Variants in CEP85L observed in about 807,000 individuals in gnomAD.
The protein encoded by CEP85L is centrosomal protein 85L.
A neutral mutation model predicts 100.3 loss-of-function variants in CEP85L; 60 were observed. That is an observed-to-expected ratio of 0.60 (90% CI 0.49 to 0.74). The LOEUF (loss-of-function observed/expected upper bound fraction) is 0.74, where lower values mean the gene tolerates loss of function less well. CEP85L is among the 30% of genes least tolerant of loss of function. The pLI is 0.00. For synonymous variants in CEP85L, 319 were observed against 322.7 expected (o/e 0.99, Z 0.12); for missense variants, 973 against 936.2 (o/e 1.04, Z -0.51).
rs1554228039 is a variant in CEP85L, at chr6:118,600,300, G to GTGTGTGTGT, written c.232+32152_232+32153insACACACACA. On this transcript the variant is annotated intron_variant, in intron 2 of 12. Coordinates refer to ENST00000368491, the MANE Select transcript of CEP85L (RefSeq NM_001042475.3). ...CTGCCTGTCCCTGAGCCTTCCTGGG[G>GTGTGTGTGT]GTGTGTGTGTGTGTGTGTGTGTGTG... 5.8e-3 allele frequency among the ~76,000 whole-genome samples: 302 copies of GTGTGTGTGT among 52,232 alleles called. 58 individuals are homozygous for GTGTGTGTGT. Among genetic ancestry groups the GTGTGTGTGT allele is most frequent in the Middle Eastern group, 0.021 (2 of 96 alleles). 34.3% of individuals were successfully genotyped at this position (52,232 alleles called of 152,430 possible). A position where few individuals can be genotyped will look rare whatever the true frequency, so the allele number is the denominator to read the frequency against.
At chr6:118,670,118 G>GA (rs1164836193) in intron 1 of CEP85L, among the ~76,000 whole-genome samples, 3 of 151,892 alleles carry the variant, frequency 2.0e-5, no homozygotes, top group African/African-American at 7.3e-5. Flanking sequence ...CCTTCTATCA[G>GA]AACGGGCAGA....
intron 6 of CEP85L, among the ~76,000 whole-genome samples, chr6:118,489,915 T>C (rs1423398260): frequency 6.6e-6 from 1 of 151,802 alleles, no homozygotes; most frequent in Non-Finnish European, 1.5e-5. Context: ...ATGAGCAACA[T>C]AAATGTTATA....
chr6:118,694,471 A>G (rs946387838), intron 1 of CEP85L, among the ~76,000 whole-genome samples: 3 of 152,352 alleles, frequency 2.0e-5, no homozygotes, highest in Non-Finnish European at 4.4e-5. Flanking sequence ...ATGGCATCTT[A>G]TAATTGCTAT....
intron 1 of CEP85L, among the ~76,000 whole-genome samples, chr6:118,634,155 T>C (rs952756217): frequency 3.3e-5 from 5 of 152,384 alleles, no homozygotes; most frequent in African/African-American, 9.6e-5. Context: ...GAATTATTCA[T>C]TGATACCCTA....
At chr6:118,530,327 T>C (rs1200396741) in intron 3 of CEP85L, among the ~76,000 whole-genome samples, 1 of 151,536 alleles carries the variant, frequency 6.6e-6, no homozygotes, top group Non-Finnish European at 1.5e-5. Context: ...GAAAAATATT[T>C]TGTGCAACGA....
At chr6:118,584,044 G>A (rs1780723868) in intron 2 of CEP85L, among the ~76,000 whole-genome samples, 1 of 152,196 alleles carries the variant, frequency 6.6e-6, no homozygotes, top group Non-Finnish European at 1.5e-5. Context: ...TGCTGCCTCA[G>A]GGATTTTGAA....
chr6:118,487,596 T>A (rs1307711000), intron 6 of CEP85L, among the ~76,000 whole-genome samples: 2 of 152,182 alleles, frequency 1.3e-5, no homozygotes, highest in African/African-American at 2.4e-5. Flanking sequence ...CTACCCCCAA[T>A]ACAGCATATG....
At chr6:118,674,536 A>AG (rs947120079) in intron 1 of CEP85L, among the ~76,000 whole-genome samples, 6 of 151,946 alleles carry the variant, frequency 3.9e-5, no homozygotes, top group African/African-American at 1.2e-4. Flanking sequence ...AAAAAAAAAA[A>AG]AGAGAGAAAA....
In CEP85L at chr6:118,596,440, G is replaced by C. The variant is rs184347594; in HGVS notation, c.233-30124C>G. Among the ~76,000 whole-genome samples, 363 of 151,956 alleles carry C rather than the reference G, an allele frequency of 2.4e-3. 1 individual carries two copies. The highest frequency in any genetic ancestry group is 8.4e-3 in the African/African-American group (350 of 41,454). Reference sequence around the variant, plus strand: ...TTATCAACTACAAGACTCAGGACTTGGTAAGCACACTTACCAAAGAACAGA... The same window carrying C: ...TTATCAACTACAAGACTCAGGACTTCGTAAGCACACTTACCAAAGAACAGA... On this transcript the variant is annotated intron_variant, in intron 2 of 12. Transcript: ENST00000368491.
At chr6:118,617,550 G>A (rs771419012) in intron 2 of CEP85L, among the ~76,000 whole-genome samples, 4 of 152,002 alleles carry the variant, frequency 2.6e-5, no homozygotes, top group East Asian at 1.9e-4. Flanking sequence ...TTTGTTTCTC[G>A]CTCCTGTACT....
chr6:118,596,219 G>C (rs1781451579), intron 2 of CEP85L, among the ~76,000 whole-genome samples: 1 of 152,088 alleles, frequency 6.6e-6, no homozygotes, highest in African/African-American at 2.4e-5. Context: ...AAACATATCT[G>C]CTTGACACGG....
At chr6:118,632,419 G>A (rs1371784405) in intron 2 of CEP85L, 34 bp downstream of exon 2, 28 of 1,520,854 alleles carry the variant, frequency 1.8e-5, no homozygotes, top group Non-Finnish European at 2.4e-5. Flanking sequence ...ACTCTTCAAA[G>A]ATTCATATAT....
intron 1 of CEP85L, among the ~76,000 whole-genome samples, chr6:118,679,481 T>C (rs1480981228): frequency 6.6e-6 from 1 of 152,254 alleles, no homozygotes; most frequent in African/African-American, 2.4e-5. Flanking sequence ...TAATTCCTTA[T>C]TCCTGAAGTT....
At chr6:118,508,823 G>T (rs1044625478) in intron 5 of CEP85L, among the ~76,000 whole-genome samples, 3 of 151,926 alleles carry the variant, frequency 2.0e-5, no homozygotes, top group African/African-American at 7.3e-5. Context: ...TCAGAAAAAT[G>T]TACCTATACA....
chr6:118,580,975 T>C (rs1286988542), intron 2 of CEP85L, among the ~76,000 whole-genome samples: 1 of 152,188 alleles, frequency 6.6e-6, no homozygotes, highest in East Asian at 1.9e-4. Flanking sequence ...CTCTACCGCT[T>C]GTCTGAGGAG....
At chr6:118,669,521 C>G (rs576620160) in intron 1 of CEP85L, among the ~76,000 whole-genome samples, 2 of 152,240 alleles carry the variant, frequency 1.3e-5, no homozygotes, top group South Asian at 4.1e-4. Context: ...ACAAACTAAA[C>G]ATTTCCTTCT....
chr6:118,709,036 G>A (rs1189816308), intron 1 of CEP85L, among the ~76,000 whole-genome samples: 1 of 151,928 alleles, frequency 6.6e-6, no homozygotes, highest in Non-Finnish European at 1.5e-5. Flanking sequence ...ATATAGAATA[G>A]CCCCGATTTT....
At chr6:118,503,768 A>G (rs1054647499) in intron 5 of CEP85L, among the ~76,000 whole-genome samples, 2 of 148,914 alleles carry the variant, frequency 1.3e-5, no homozygotes, top group Admixed American at 6.7e-5. Context: ...CACAGACCTT[A>G]TATTTTTTAC....
At chr6:118,555,897 T>C (rs1011705285) in intron 3 of CEP85L, among the ~76,000 whole-genome samples, 7 of 151,644 alleles carry the variant, frequency 4.6e-5, no homozygotes, top group African/African-American at 1.7e-4. Flanking sequence ...TGAGAACCTG[T>C]GGTATTTGGT....
Sources: gnomAD v4.1 joint callset for allele counts (sites outside exome capture counted in the v4.1 genomes callset) on GRCh38, gnomAD v4.1.1 for gene constraint, MANE v1.5 for transcripts, NCBI Gene and HGNC (gene_info 2026-07-23, HGNC 2026-07-21) for gene names.